TNS2: variants seen among roughly 807,000 people sequenced by gnomAD.
TNS2 encodes tensin-2.
TNS2 carries 77 observed loss-of-function variants against 155.7 expected under a neutral mutation model. That is an observed-to-expected ratio of 0.49 (90% CI 0.41 to 0.60). TNS2 has a LOEUF of 0.60. TNS2 is among the 20% of genes least tolerant of loss of function. TNS2 has a pLI of 0.00. For synonymous variants in TNS2, 726 were observed against 763.9 expected (o/e 0.95, Z 0.82); for missense variants, 1,703 against 1,868.8 (o/e 0.91, Z 1.64).
chr12:53,056,764 A>T (rs1944173929), intron 10 of TNS2, among the ~76,000 whole-genome samples: 1 of 152,228 alleles, frequency 6.6e-6, no homozygotes, highest in Non-Finnish European at 1.5e-5. Context: ...GGGGGATATA[A>T]TTCAACCCAT....
chr12:53,055,101 G>A, intron 7 of TNS2, 85 bp from the exon 8 acceptor site: 2 of 1,483,860 alleles, frequency 1.3e-6, no homozygotes, highest in South Asian at 1.1e-5. Context: ...TATTTTAGAG[G>A]AAGATTCTTA....
chr12:53,059,493 A>G lies in TNS2; in HGVS notation c.1852A>G (p.Arg618Gly), dbSNP rs1487895465. The G allele has an allele frequency of 6.4e-7, 1 of 1,566,346 alleles. No individual in the cohort carries two copies. ...GYYRPEGTLERRRLAYGGYEG... is the reference protein window; with the variant it reads ...GYYRPEGTLEGRRLAYGGYEG... ...CTACCGGCCAGAGGGAACCCTGGAGAGGAGGCGACTGGCCTACGGGGGCTA... is the reference window on the plus strand; with the variant it reads ...CTACCGGCCAGAGGGAACCCTGGAGGGGAGGCGACTGGCCTACGGGGGCTA... Residue 618 changes from arginine (R) to glycine (G), a missense_variant, in exon 18 of 29, where the codon AGG (arginine) becomes GGG (glycine). Coordinates refer to ENST00000314250, the MANE Select transcript of TNS2 (RefSeq NM_170754.4). The surrounding 1 kb of genome is among the most constrained non-coding windows in gnomAD (Gnocchi z 4.7).
chr12:53,050,156 TG>T lies in TNS2; in HGVS notation c.-26del. 6.2e-7 allele frequency: 1 copy of T among 1,603,736 alleles called. No homozygotes were observed. Among genetic ancestry groups the T allele is most frequent in the Non-Finnish European group, 8.5e-7 (1 of 1,176,442 alleles). The stretch of plus-strand genomic sequence containing the variant: ...CCAGGCCCCAGCATTGTTCAGGCCC[TG>T]GGGCCAGCACCCCAGCCAGCCGAAC... On this transcript the variant is annotated 5_prime_UTR_variant, in exon 1 of 29. Transcript: ENST00000314250. This position sits in a 1 kb window ranked among gnomAD's most constrained non-coding sequence, Gnocchi z 4.7.
chr12:53,056,872 C>T (rs534964739), intron 10 of TNS2, 141 bp from the exon 11 acceptor site: 460 of 734,754 alleles, frequency 6.3e-4, no homozygotes, highest in Non-Finnish European at 9.1e-4. Flanking sequence ...GTACATGGTG[C>T]TTCTCATTCT....
intron 11 of TNS2, 70 bp downstream of exon 11, chr12:53,057,166 T>C: frequency 6.7e-7 from 1 of 1,488,406 alleles, no homozygotes; most frequent in African/African-American, 1.4e-5. Flanking sequence ...AAGACTCTCT[T>C]ATTCATGCAG....
chr12:53,063,919 C>G lies in TNS2; in HGVS notation c.*37C>G, dbSNP rs774994183. ...AAGCTCAGAGCCCACATCAACACTG[C>G]CCCCCTCCCAGCACCCCACAGCCCT... On this transcript the variant is annotated 3_prime_UTR_variant, in exon 29 of 29. Transcript: ENST00000314250. This position sits in a 1 kb window ranked among gnomAD's most constrained non-coding sequence, Gnocchi z 5.6. The G allele has an allele frequency of 6.2e-6, 10 of 1,605,812 alleles. No individual in the cohort carries two copies. The Admixed American group carries it at 1.7e-4, about 27-fold the overall frequency.
At position 53,050,104 on chromosome 12, in the gene TNS2, GCCAGGCCGCTT is replaced by G; in HGVS notation, c.-76_-66del. 6.4e-7 allele frequency: 1 copy of G among 1,559,588 alleles called. No individual in the cohort carries two copies. Among genetic ancestry groups the G allele is most frequent in the Non-Finnish European group, 8.7e-7 (1 of 1,155,594 alleles). ...CCGCCCAGGGGAAGCGGCTGCCTCC[GCCAGGCCGCTT>G]CCAGGAAGCCCCGGGCCAGGCCCCA... On this transcript the variant is annotated 5_prime_UTR_variant, in exon 1 of 29. Coordinates refer to ENST00000314250, the MANE Select transcript of TNS2 (RefSeq NM_170754.4). This position sits in a 1 kb window ranked among gnomAD's most constrained non-coding sequence, Gnocchi z 4.7.
In TNS2 at chr12:53,060,026, T is replaced by C. The variant is rs145498347; in HGVS notation, c.2385T>C (p.Val795=). Residue 795 remains valine, a synonymous_variant, in exon 18 of 29, where the codon GTT becomes GTC. Transcript: ENST00000314250. This position sits in a 1 kb window ranked among gnomAD's most constrained non-coding sequence, Gnocchi z 6.1. ...ALVTYSYGGA[V]PSYCPAYGRV... is the part of the protein sequence containing the mutation. Reference sequence around the variant, plus strand: ...TGACATACAGCTATGGAGGAGCAGTTCCCAGTTACTGCCCAGCATATGGCC... The same window carrying C: ...TGACATACAGCTATGGAGGAGCAGTCCCCAGTTACTGCCCAGCATATGGCC... 3.2e-5 allele frequency: 51 copies of C among 1,613,410 alleles called. No individual in the cohort carries two copies. Among genetic ancestry groups the C allele is most frequent in the Admixed American group, 5.0e-5 (3 of 59,976 alleles).
chr12:53,052,142 C>A, intron 2 of TNS2, 179 bp downstream of exon 2: 1 of 614,948 alleles, frequency 1.6e-6, no homozygotes, highest in Non-Finnish European at 2.8e-6. Flanking sequence ...ATGACAGACA[C>A]CTCCCATAAC....
chr12:53,050,160 G>A lies in TNS2; in HGVS notation c.-26G>A. On this transcript the variant is annotated 5_prime_UTR_variant, in exon 1 of 29. Coordinates refer to ENST00000314250, the MANE Select transcript of TNS2 (RefSeq NM_170754.4). The surrounding 1 kb of genome is among the most constrained non-coding windows in gnomAD (Gnocchi z 4.7). ...GCCCCAGCATTGTTCAGGCCCTGGG[G>A]CCAGCACCCCAGCCAGCCGAACACC... is the stretch of plus-strand genomic sequence containing the variant. 1 of 1,605,202 alleles carries A rather than the reference G, an allele frequency of 6.2e-7. No homozygotes were observed. Among genetic ancestry groups the A allele is most frequent in the Non-Finnish European group, 8.5e-7 (1 of 1,177,072 alleles).
chr12:53,053,473 G>A (rs1944017281), intron 4 of TNS2, 24 bp downstream of exon 4: 1 of 1,613,716 alleles, frequency 6.2e-7, no homozygotes, highest in Non-Finnish European at 8.5e-7. Flanking sequence ...GGGATGGGGT[G>A]GGGAGGGCAA....
At chr12:53,061,527 G>GA in intron 21 of TNS2, 58 bp downstream of exon 21, 1 of 1,578,388 alleles carries the variant, frequency 6.3e-7, no homozygotes. Flanking sequence ...TGTCTGTCTT[G>GA]GCTTTAAGTC....
At chr12:53,051,828 C>A in intron 1 of TNS2, 27 bp from the exon 2 acceptor site, 1 of 1,588,484 alleles carries the variant, frequency 6.3e-7, no homozygotes, top group Non-Finnish European at 8.6e-7. Flanking sequence ...TGGGAACTCA[C>A]ACCTCTGTTT....
Position 53,055,797 on chromosome 12 carries a change from T to C in TNS2, c.713T>C (p.Leu238Pro), listed in dbSNP as rs1944130436. The C allele has an allele frequency of 6.2e-7, 1 of 1,614,192 alleles. No individual in the cohort carries two copies. Among genetic ancestry groups the C allele is most frequent in the South Asian group, 1.1e-5 (1 of 91,086 alleles). ...VLYCKGNKGKLGVIVSAYMHY... is the reference protein window; with the variant it reads ...VLYCKGNKGKPGVIVSAYMHY... ...GTCTGTCAGGGAAACAAGGGCAAGCTTGGGGTCATCGTTTCTGCCTACATG... is the reference window on the plus strand; with the variant it reads ...GTCTGTCAGGGAAACAAGGGCAAGCCTGGGGTCATCGTTTCTGCCTACATG... Residue 238 changes from leucine (L) to proline (P), a missense_variant, in exon 10 of 29, where the codon CTT becomes CCT. Leu to Pro is a moderately conservative substitution (Grantham distance 98). Coordinates refer to ENST00000314250, the MANE Select transcript of TNS2 (RefSeq NM_170754.4).
At chr12:53,048,311 G>C (rs1035505044), upstream of TNS2, among the ~76,000 whole-genome samples, 5 of 152,220 alleles carry the variant, frequency 3.3e-5, no homozygotes, top group Admixed American at 2.6e-4. Context: ...GTGAAGGTGA[G>C]AGGATGTCTG....
chr12:53,058,273 G>T, intron 14 of TNS2, 43 bp from the exon 15 acceptor site: 1 of 1,609,842 alleles, frequency 6.2e-7, no homozygotes, highest in Non-Finnish European at 8.5e-7. Flanking sequence ...AAGCGCAGAA[G>T]AGGACATGAG....
chr12:53,047,149 G>GGGA (rs200862018), upstream of TNS2: 449 of 148,172 alleles, frequency 3.0e-3, 4 homozygotes, highest in African/African-American at 0.01. Flanking sequence ...GGAGCCGGGA[G>GGGA]GGAGGAGGAG....
In TNS2 at chr12:53,059,001, CCT is replaced by C. The variant is rs1304993554; in HGVS notation, c.1406-45_1406-44del. The C allele has an allele frequency of 6.5e-7, 1 of 1,539,492 alleles. No homozygotes were observed. Among genetic ancestry groups the C allele is most frequent in the Admixed American group, 1.9e-5 (1 of 53,138 alleles). Reference sequence around the variant, plus strand: ...CTCTCATGAATTTTCTCTCTCCCTCCCTGTTCCCCGCTTGCCCTCCCTCCCTG... The same window carrying C: ...CTCTCATGAATTTTCTCTCTCCCTCCGTTCCCCGCTTGCCCTCCCTCCCTG... On this transcript the variant is annotated intron_variant, in intron 17 of 28. Coordinates refer to ENST00000314250, the MANE Select transcript of TNS2 (RefSeq NM_170754.4). This position sits in a 1 kb window ranked among gnomAD's most constrained non-coding sequence, Gnocchi z 4.7.
Position 53,060,962 on chromosome 12 carries a change from G to A in TNS2, c.3056G>A (p.Gly1019Asp), listed in dbSNP as rs375018315. The change falls in exon 20 of 29, where the codon GGC becomes GAC. Residue 1019 changes from glycine (G) to aspartate (D), a missense_variant. Physicochemically the swap from Gly to Asp is moderately conservative, Grantham distance 94 (BLOSUM62 -1). Coordinates refer to ENST00000314250, the MANE Select transcript of TNS2 (RefSeq NM_170754.4). This position sits in a 1 kb window ranked among gnomAD's most constrained non-coding sequence, Gnocchi z 6.1. ...GGCCTCCGCCACGCCCCCTGGCAAGGCCCTCGAGGCCCCCCCGACAGCCCA... is the reference window on the plus strand; with the variant it reads ...GGCCTCCGCCACGCCCCCTGGCAAGACCCTCGAGGCCCCCCCGACAGCCCA... ...LPGLRHAPWQ[G>D]PRGPPDSPDG... is the part of the protein sequence containing the mutation. 1.2e-6 allele frequency: 2 copies of A among 1,606,404 alleles called. No individual in the cohort carries two copies. The highest frequency in any genetic ancestry group is 1.7e-6 in the Non-Finnish European group (2 of 1,176,862).
Sources: gnomAD v4.1 joint callset for allele counts (sites outside exome capture counted in the v4.1 genomes callset) on GRCh38, gnomAD v4.1.1 for gene constraint, Gnocchi (gnomAD v3.1) non-coding constraint, MANE v1.5 for transcripts, NCBI Gene and HGNC (gene_info 2026-07-23, HGNC 2026-07-21) for gene names.